ANKRD18B: variants seen among roughly 807,000 people sequenced by gnomAD.
ANKRD18B encodes the protein ankyrin repeat domain 18B.
In ANKRD18B, 75 loss-of-function variants were observed where a neutral mutation model predicts 111.8. The ratio of observed to expected loss-of-function variants is 0.67; its 90% CI spans 0.56 to 0.81. The LOEUF is 0.81. Among genes scored for constraint, ANKRD18B ranks in the 40% least tolerant of loss-of-function variants. The pLI is 0.00. For missense variants in ANKRD18B, 1,038 were observed against 1,225.5 expected, an observed-to-expected ratio of 0.85 and a Z score of 2.28; for synonymous variants, 356 against 417.3, an observed-to-expected ratio of 0.85 and a Z score of 1.79.
intron 10 of ANKRD18B, among the ~76,000 whole-genome samples, chr9:33,547,114 C>T (rs1406009960): frequency 6.6e-6 from 1 of 152,174 alleles, no homozygotes; most frequent in East Asian, 1.9e-4. Flanking sequence ...AGGTCACATC[C>T]TCTCAATCTG....
Position 33,567,271 on chromosome 9 carries a change from G to A in ANKRD18B, c.2911G>A (p.Val971Ile). Residue 971 changes from valine (V) to isoleucine (I), a missense_variant, in exon 16 of 19, where the codon GTA (valine) becomes ATA (isoleucine). Coordinates refer to ENST00000684830, the MANE Select transcript of ANKRD18B (RefSeq NM_001393611.1). ...ELEEYKEAFAVALKANSSMSE... is the reference protein window; with the variant it reads ...ELEEYKEAFAIALKANSSMSE... ...AGAAGAGTATAAGGAAGCCTTTGCAGTAGCATTGAAAGCTAACAGTTCCAT... is the reference window on the plus strand; with the variant it reads ...AGAAGAGTATAAGGAAGCCTTTGCAATAGCATTGAAAGCTAACAGTTCCAT... 6.5e-7 allele frequency: 1 copy of A among 1,547,700 alleles called. No individual in the cohort carries two copies. Among genetic ancestry groups the A allele is most frequent in the East Asian group, 2.5e-5 (1 of 40,732 alleles).
At chr9:33,533,198 T>C (rs1351222597) in intron 3 of ANKRD18B, among the ~76,000 whole-genome samples, 1 of 152,042 alleles carries the variant, frequency 6.6e-6, no homozygotes, top group Non-Finnish European at 1.5e-5. Flanking sequence ...AAGCAAGGAT[T>C]TTTGGGACTG....
At chr9:33,535,871 G>C (rs1242200427) in intron 5 of ANKRD18B, among the ~76,000 whole-genome samples, 1 of 148,620 alleles carries the variant, frequency 6.7e-6, no homozygotes, top group Non-Finnish European at 1.5e-5. Flanking sequence ...CATTATAAAA[G>C]TATTCATGTA....
chr9:33,543,360 T>C, intron 10 of ANKRD18B, 105 bp downstream of exon 10: 1 of 890,246 alleles, frequency 1.1e-6, no homozygotes, highest in East Asian at 2.8e-5. Context: ...CCTTTTAGAA[T>C]CCAACAGAGC....
At position 33,533,328 on chromosome 9, in the gene ANKRD18B, A is replaced by G. The variant is rs149242682; in HGVS notation, c.496-111A>G. 787 of 1,486,944 alleles carry G rather than the reference A, an allele frequency of 5.3e-4. 4 individuals carry two copies. In the African/African-American group the frequency reaches 0.01, roughly 19 times the overall value. The allele number at this position is 1,486,944 out of a possible 1,614,324, so 92.1% of individuals were successfully genotyped here. ...AAAGGGACGGGACTGCTTTGCATTT[A>G]CTTTCTGTCTATATTGCATGTTTAA... On this transcript the variant is annotated intron_variant, in intron 3 of 18. Coordinates refer to ENST00000684830, the MANE Select transcript of ANKRD18B (RefSeq NM_001393611.1).
intron 10 of ANKRD18B, among the ~76,000 whole-genome samples, chr9:33,544,417 C>T (rs1184201060): frequency 6.6e-6 from 1 of 152,166 alleles, no homozygotes; most frequent in Non-Finnish European, 1.5e-5. Context: ...TCAGAAAAGA[C>T]ATCTGAGAAA....
At chr9:33,575,178 T>C (rs1828843905), downstream of ANKRD18B, among the ~76,000 whole-genome samples, 1 of 152,164 alleles carries the variant, frequency 6.6e-6, no homozygotes, top group Admixed American at 6.5e-5. Flanking sequence ...GCAATTCCAT[T>C]CTGCATCTCC....
Position 33,548,676 on chromosome 9 carries a change from C to T in ANKRD18B, c.1888C>T (p.Gln630Ter). ...ACTTGAAAATCTCTTGCTTGAACGA[C>T]AACTAGAGGATGCTCGTAAGGAAGG... ...RELENLLLER[Q>*]LEDARKEGDN... The change falls in exon 11 of 19, where the codon CAA (glutamine) becomes TAA (stop). Residue 630 changes from glutamine (Q) to a stop codon, truncating the protein, a stop_gained. Coordinates refer to ENST00000684830, the MANE Select transcript of ANKRD18B (RefSeq NM_001393611.1). LOFTEE classifies it high-confidence loss of function. The T allele has an allele frequency of 6.4e-7, 1 of 1,551,060 alleles. No individual in the cohort carries two copies. The highest frequency in any genetic ancestry group is 8.7e-7 in the Non-Finnish European group (1 of 1,146,646).
Position 33,548,305 on chromosome 9 carries a change from A to G in ANKRD18B, c.1517A>G (p.Glu506Gly), listed in dbSNP as rs1257369569. The change falls in exon 11 of 19, where the codon GAA becomes GGA. Residue 506 changes from glutamate (E) to glycine (G), a missense_variant. This residue lies in a region of ANKRD18B where 205 missense variants were observed against 201.3 expected (regional missense o/e 1.02). Coordinates refer to ENST00000684830, the MANE Select transcript of ANKRD18B (RefSeq NM_001393611.1). ...GCCACTGCTATAAATGAGTACAATG[A>G]AATTTTGGAAAGAAAAGACCTAGAA... ...NLATAINEYN[E>G]ILERKDLELV... The G allele has an allele frequency of 3.2e-6, 5 of 1,549,672 alleles. No homozygotes were observed. Among genetic ancestry groups the G allele is most frequent in the Non-Finnish European group, 4.4e-6 (5 of 1,146,366 alleles).
chr9:33,565,419 G>A (rs55811451), intron 14 of ANKRD18B, among the ~76,000 whole-genome samples: 13,145 of 152,114 alleles, frequency 0.086, 596 homozygotes, highest in South Asian at 0.098. Context: ...AAACATTTGC[G>A]GTTTAGGGAA....
At chr9:33,541,779 G>T (rs865949102) in intron 9 of ANKRD18B, among the ~76,000 whole-genome samples, 5 of 152,254 alleles carry the variant, frequency 3.3e-5, no homozygotes, top group Non-Finnish European at 7.4e-5. Flanking sequence ...TTTCTAATTT[G>T]TTTTGCTTTT....
chr9:33,557,744 C>T (rs1006711068), intron 13 of ANKRD18B, among the ~76,000 whole-genome samples: 4 of 151,952 alleles, frequency 2.6e-5, no homozygotes, highest in East Asian at 1.9e-4. Context: ...GCCGTGATCA[C>T]GCCATCACAC....
intron 16 of ANKRD18B, among the ~76,000 whole-genome samples, chr9:33,567,596 A>G (rs1056631604): frequency 6.6e-6 from 1 of 152,082 alleles, no homozygotes; most frequent in African/African-American, 2.4e-5. Flanking sequence ...GTATTTTTGA[A>G]GCTTTATGAT....
At chr9:33,565,127 C>T (rs568864350) in intron 14 of ANKRD18B, among the ~76,000 whole-genome samples, 1 of 152,312 alleles carries the variant, frequency 6.6e-6, no homozygotes, top group Non-Finnish European at 1.5e-5. Context: ...CCTATGTTTA[C>T]TTACAATAGT....
At chr9:33,550,825 C>G (rs1320696470) in intron 12 of ANKRD18B, among the ~76,000 whole-genome samples, 1 of 152,122 alleles carries the variant, frequency 6.6e-6, no homozygotes, top group Non-Finnish European at 1.5e-5. Flanking sequence ...GAGAATGATA[C>G]ATCATTCCTC....
At chr9:33,558,648 A>G (rs1828562789) in intron 14 of ANKRD18B, among the ~76,000 whole-genome samples, 1 of 152,344 alleles carries the variant, frequency 6.6e-6, no homozygotes, top group African/African-American at 2.4e-5. Flanking sequence ...TAGTGCTGCA[A>G]TGAACATACA....
chr9:33,545,666 A>G (rs2118046266), intron 10 of ANKRD18B, among the ~76,000 whole-genome samples: 1 of 152,354 alleles, frequency 6.6e-6, no homozygotes, highest in East Asian at 1.9e-4. Context: ...TCCACCACAT[A>G]GTGACAGAAC....
intron 1 of ANKRD18B, among the ~76,000 whole-genome samples, chr9:33,527,662 A>T (rs1223000763): frequency 6.6e-6 from 1 of 152,202 alleles, no homozygotes; most frequent in East Asian, 1.9e-4. Context: ...TAATTTGTTT[A>T]AAAAATATGT....
Position 33,533,580 on chromosome 9 carries a change from C to A in ANKRD18B, c.602+35C>A, listed in dbSNP as rs917059768. 3.9e-6 allele frequency: 6 copies of A among 1,524,482 alleles called. No homozygotes were observed. In the South Asian group the frequency reaches 7.7e-5, roughly 20 times the overall value. 94.4% of individuals were successfully genotyped at this position (1,524,482 alleles called of 1,614,324 possible). A position where few individuals can be genotyped will look rare whatever the true frequency, so the allele number is the denominator to read the frequency against. On this transcript the variant is annotated intron_variant, in intron 4 of 18. Transcript: ENST00000684830. ...TTTTTGTTTTCTGTTTTCTTTTTTC[C>A]TAAAAACCTGAGTGTTCTAGAGTGG...
Sources: allele counts gnomAD v4.1 joint callset (sites outside exome capture counted in the v4.1 genomes callset), GRCh38; gene constraint gnomAD v4.1.1; regional missense constraint gnomAD v4.1.1; transcripts MANE v1.5; gene names NCBI Gene and HGNC (gene_info 2026-07-23, HGNC 2026-07-21).